Variants in SPATA16 observed in about 807,000 individuals in gnomAD.
SPATA16 encodes spermatogenesis-associated protein 16.
A neutral mutation model predicts 63.3 loss-of-function variants in SPATA16; 36 were observed. The ratio of observed to expected loss-of-function variants is 0.57; its 90% confidence interval spans 0.44 to 0.75. The LOEUF is 0.75. Ranked by LOEUF, SPATA16 falls within the 30% of genes least tolerant of loss-of-function variation. SPATA16 has a pLI of 0.00. For synonymous variants in SPATA16, 203 were observed against 216.7 expected (o/e 0.94, Z 0.56); for missense variants, 646 against 679.3 (o/e 0.95, Z 0.54).
chr3:173,128,197 A>C (rs1367102015), intron 1 of SPATA16, among the ~76,000 whole-genome samples: 2 of 152,162 alleles, frequency 1.3e-5, no homozygotes, highest in African/African-American at 2.4e-5. Flanking sequence ...TCCATCCATA[A>C]AGTAAATCAA....
chr3:172,922,961 C>T (rs1732646713), intron 8 of SPATA16, among the ~76,000 whole-genome samples: 1 of 151,936 alleles, frequency 6.6e-6, no homozygotes, highest in Non-Finnish European at 1.5e-5. Context: ...AACCCCAAAA[C>T]CCAAAAAACT....
chr3:173,120,556 G>A (rs913616245), intron 1 of SPATA16, among the ~76,000 whole-genome samples: 2 of 152,174 alleles, frequency 1.3e-5, no homozygotes, highest in Non-Finnish European at 2.9e-5. Context: ...AATATCTGTA[G>A]TTGATTGTCA....
intron 10 of SPATA16, among the ~76,000 whole-genome samples, chr3:172,902,762 T>A (rs1337958746): frequency 6.6e-6 from 1 of 152,202 alleles, no homozygotes; most frequent in East Asian, 1.9e-4. Context: ...TACACATTAG[T>A]TTAATTCAAT....
intron 2 of SPATA16, among the ~76,000 whole-genome samples, chr3:173,058,494 G>T (rs1736302904): frequency 6.6e-6 from 1 of 152,018 alleles, no homozygotes; most frequent in East Asian, 1.9e-4. Flanking sequence ...CATCATAAAA[G>T]TGCTCTCCAG....
chr3:172,917,297 A>C (rs1732515583), intron 8 of SPATA16, among the ~76,000 whole-genome samples: 1 of 152,192 alleles, frequency 6.6e-6, no homozygotes. Flanking sequence ...GAAATTCTTA[A>C]GTTTATCTTT....
At chr3:173,120,794 CCTCA>C (rs1486478799) in intron 1 of SPATA16, among the ~76,000 whole-genome samples, 1 of 152,084 alleles carries the variant, frequency 6.6e-6, no homozygotes. Context: ...CCCAGATGTC[CCTCA>C]CTCCGAGCCT....
intron 4 of SPATA16, among the ~76,000 whole-genome samples, chr3:172,978,958 C>G (rs917166259): frequency 1.1e-4 from 16 of 152,212 alleles, no homozygotes; most frequent in African/African-American, 3.9e-4. Context: ...CTGATGCTGG[C>G]CGGGCGCGTT....
At chr3:173,019,088 G>A (rs1181767851) in intron 4 of SPATA16, among the ~76,000 whole-genome samples, 1 of 152,166 alleles carries the variant, frequency 6.6e-6, no homozygotes, top group Non-Finnish European at 1.5e-5. Flanking sequence ...GATGCCATCT[G>A]CTCCAGAAAT....
At chr3:173,056,565 G>T (rs995075381) in intron 2 of SPATA16, among the ~76,000 whole-genome samples, 2 of 152,028 alleles carry the variant, frequency 1.3e-5, no homozygotes, top group African/African-American at 4.8e-5. Flanking sequence ...TTAGCTGGAA[G>T]TGGTGGCGGG....
At chr3:172,939,831 G>T (rs186410131) in intron 6 of SPATA16, among the ~76,000 whole-genome samples, 1 of 152,262 alleles carries the variant, frequency 6.6e-6, no homozygotes, top group Non-Finnish European at 1.5e-5. Flanking sequence ...ATAGCTTCAG[G>T]ATGAGGGCAA....
chr3:173,083,354 T>C (rs1736968062), intron 2 of SPATA16, among the ~76,000 whole-genome samples: 1 of 152,204 alleles, frequency 6.6e-6, no homozygotes, highest in Non-Finnish European at 1.5e-5. Context: ...GAAATAGTTA[T>C]ATCACATTGA....
At chr3:173,003,128 C>T (rs941768558) in intron 4 of SPATA16, among the ~76,000 whole-genome samples, 15 of 151,892 alleles carry the variant, frequency 9.9e-5, no homozygotes, top group Non-Finnish European at 1.3e-4. Flanking sequence ...AAGAAATTAC[C>T]TACAACACAT....
At chr3:172,898,051 A>G (rs1732044796) in intron 10 of SPATA16, among the ~76,000 whole-genome samples, 1 of 151,980 alleles carries the variant, frequency 6.6e-6, no homozygotes, top group Non-Finnish European at 1.5e-5. Context: ...TATATGGTAG[A>G]TTACACTGAT....
chr3:173,075,011 A>AAT (rs1736761945), intron 2 of SPATA16, among the ~76,000 whole-genome samples: 1 of 135,762 alleles, frequency 7.4e-6, no homozygotes, highest in Non-Finnish European at 1.6e-5. Context: ...AAAAAAAAAA[A>AAT]AGGAAAGAAA....
intron 2 of SPATA16, among the ~76,000 whole-genome samples, chr3:173,057,463 G>A (rs73044945): frequency 0.011 from 1,565 of 144,848 alleles, 24 homozygotes; most frequent in African/African-American, 0.04. Flanking sequence ...ATCTTTCACC[G>A]CTATTATTCC....
intron 3 of SPATA16, among the ~76,000 whole-genome samples, chr3:173,034,290 A>T (rs1735667837): frequency 6.6e-6 from 1 of 152,146 alleles, no homozygotes; most frequent in African/African-American, 2.4e-5. Flanking sequence ...ATGAACTGAA[A>T]TATAGTATAC....
At chr3:173,123,792 C>T (rs533942332) in intron 1 of SPATA16, among the ~76,000 whole-genome samples, 2 of 151,750 alleles carry the variant, frequency 1.3e-5, no homozygotes, top group East Asian at 1.9e-4. Context: ...TTAATAGATG[C>T]GGGATTTCAC....
At chr3:173,069,112 G>GAAGAAAAAAAAAAAAAAAAAAAAAAA (rs1736603715) in intron 2 of SPATA16, among the ~76,000 whole-genome samples, 1 of 109,180 alleles carries the variant, frequency 9.2e-6, no homozygotes, top group African/African-American at 3.7e-5. Context: ...TCCGTCTCAA[G>GAAGAAAAAAAAAAAAAAAAAAAAAAA]AAAAAAAAAA....
intron 1 of SPATA16, among the ~76,000 whole-genome samples, chr3:173,138,641 A>G (rs529944918): frequency 6.6e-6 from 1 of 152,326 alleles, no homozygotes; most frequent in East Asian, 1.9e-4. Flanking sequence ...AGTAATTATA[A>G]TACAAGTCTT....
Sources: allele counts gnomAD v4.1 joint callset (sites outside exome capture counted in the v4.1 genomes callset), GRCh38; gene constraint gnomAD v4.1.1; transcripts MANE v1.5; gene names NCBI Gene and HGNC (gene_info 2026-07-23, HGNC 2026-07-21).